Variants in NOXA1 observed in about 807,000 individuals in gnomAD.
The protein encoded by NOXA1 is NADPH oxidase activator 1, also known as NCF2-like protein.
In NOXA1, 56 loss-of-function variants were observed where a neutral mutation model predicts 64.8. The ratio of observed to expected loss-of-function variants is 0.86; its 90% CI spans 0.70 to 1.08. NOXA1 has a LOEUF of 1.08. NOXA1 is among the 50% of genes least tolerant of loss of function. NOXA1 has a pLI of 0.00. For synonymous variants in NOXA1, 295 were observed against 294.8 expected, an observed-to-expected ratio of 1.00 and a Z score of -0.01; for missense variants, 668 against 658.5, an observed-to-expected ratio of 1.01 and a Z score of -0.16.
At chr9:137,428,271 C>A in intron 3 of NOXA1, 130 bp downstream of exon 3, 1 of 661,558 alleles carries the variant, frequency 1.5e-6, no homozygotes, top group Non-Finnish European at 2.6e-6. Context: ...AATACCCTGG[C>A]CACTCCTTGA....
In NOXA1 at chr9:137,423,630, C is replaced by T. The variant is rs749850148; in HGVS notation, c.101C>T (p.Pro34Leu). The T allele has an allele frequency of 7.6e-6, 11 of 1,443,248 alleles. No individual in the cohort carries two copies. In the Admixed American group the frequency reaches 2.3e-4, roughly 31 times the overall value. The allele number at this position is 1,443,248 out of a possible 1,614,324, so 89.4% of individuals were successfully genotyped here. ...GCCTTGCACCTCTTCTCGGGCGTCC[C>T]GGCGCCGCCCGCCAGGCTGTGCTTC... ...ARALHLFSGV[P>L]APPARLCFNA... The change falls in exon 1 of 14, where the codon CCG becomes CTG. Residue 34 changes from proline (P) to leucine (L), a missense_variant. Transcript: ENST00000683555.
Position 137,433,765 on chromosome 9 carries a change from T to G in NOXA1, c.1080T>G (p.Gly360=). 2 of 1,457,492 alleles carry G rather than the reference T, an allele frequency of 1.4e-6. No homozygotes were observed. The highest frequency in any genetic ancestry group is 2.9e-5 in the South Asian group (2 of 69,976). The allele number at this position is 1,457,492 out of a possible 1,614,324, so 90.3% of individuals were successfully genotyped here. ...QLGQLSYLAP[G]EDGHWVPIPE... ...CTCTTTGCAGTTACCTAGCCCCAGG[T>G]GAGGACGGGCACTGGGTCCCCATCC... The change falls in exon 12 of 14, where the codon GGT becomes GGG. Residue 360 remains glycine, a synonymous_variant. Coordinates refer to ENST00000683555, the MANE Select transcript of NOXA1 (RefSeq NM_001256067.2).
In NOXA1 at chr9:137,431,163, A is replaced by T; in HGVS notation, c.698+63A>T. 6.2e-7 allele frequency: 1 copy of T among 1,610,966 alleles called. No homozygotes were observed. The highest frequency in any genetic ancestry group is 8.5e-7 in the Non-Finnish European group (1 of 1,178,598). On this transcript the variant is annotated intron_variant, in intron 7 of 13. Coordinates refer to ENST00000683555, the MANE Select transcript of NOXA1 (RefSeq NM_001256067.2). This position sits in a 1 kb window ranked among gnomAD's most constrained non-coding sequence, Gnocchi z 5.6. ...TTCCTGCTGGGCAGAGGCCCTCCAC[A>T]TGGGGCCACGCGGGCCGGGCACAGG...
intron 1 of NOXA1, among the ~76,000 whole-genome samples, chr9:137,424,196 G>C (rs769730956): frequency 2.1e-4 from 32 of 152,208 alleles, no homozygotes; most frequent in Non-Finnish European, 4.1e-4. Context: ...CCAAACGCCA[G>C]CGCTGCCCAC....
Position 137,428,918 on chromosome 9 carries a change from G to A in NOXA1, c.406G>A (p.Gly136Arg), listed in dbSNP as rs1471740756. Residue 136 changes from glycine to arginine, a missense_variant, in exon 4 of 14, where the codon GGG becomes AGG. Coordinates refer to ENST00000683555, the MANE Select transcript of NOXA1 (RefSeq NM_001256067.2). ...TGTGGCGTCGGCACAGTGCCAGCTG[G>A]GGCTCTGGACAGAGGCGGCCAGCAG... ...HNVASAQCQL[G>R]LWTEAASSLR... 6.3e-7 allele frequency: 1 copy of A among 1,594,594 alleles called. No homozygotes were observed.
Position 137,423,652 on chromosome 9 carries a change from C to T in NOXA1, c.123C>T (p.Cys41=), listed in dbSNP as rs199666822. 3,110 of 1,418,506 alleles carry T rather than the reference C, an allele frequency of 2.2e-3. 49 individuals are homozygous for T. The African/African-American group carries it at 0.04, about 18-fold the overall frequency. 87.9% of individuals were successfully genotyped at this position (1,418,506 alleles called of 1,614,324 possible). ...SGVPAPPARL[C]FNAGCVHLLA... is the part of the protein sequence containing the mutation. ...TCCCGGCGCCGCCCGCCAGGCTGTG[C>T]TTCAACGCGGGCTGCGTGCACCTGC... The change falls in exon 1 of 14, where the codon TGC becomes TGT. Residue 41 remains cysteine (C), a synonymous_variant. Transcript: ENST00000683555.
At chr9:137,430,229 C>G (rs1182978935) in intron 5 of NOXA1, among the ~76,000 whole-genome samples, 1 of 152,154 alleles carries the variant, frequency 6.6e-6, no homozygotes, top group Admixed American at 6.5e-5. Context: ...ACGTCACGCC[C>G]ACACTTGGGT....
chr9:137,428,851 G>T (rs779718880), intron 3 of NOXA1, 31 bp from the exon 4 acceptor site: 1 of 1,547,846 alleles, frequency 6.5e-7, no homozygotes, highest in Middle Eastern at 2.2e-4. Flanking sequence ...GGGGCATCAG[G>T]CCCCTGCCAT....
chr9:137,432,520 T>C (rs953294912), intron 8 of NOXA1, among the ~76,000 whole-genome samples: 1 of 151,706 alleles, frequency 6.6e-6, no homozygotes, highest in Non-Finnish European at 1.5e-5. Context: ...GCGGAGCTTA[T>C]AGTGAGCCAA....
At chr9:137,428,697 AGACGGGGGAGAAGCCAGGTGGGGG>A (rs1564237265) in intron 3 of NOXA1, among the ~76,000 whole-genome samples, 161 bp from the exon 4 acceptor site, 1 of 115,238 alleles carries the variant, frequency 8.7e-6, no homozygotes, top group Non-Finnish European at 1.8e-5. Context: ...CTGGGTGGGG[AGACGGGGGAGAAGCCAGGTGGGGG>A]GACTGGGGGA....
At position 137,426,311 on chromosome 9, in the gene NOXA1, G is replaced by A. The variant is rs770724744; in HGVS notation, c.241G>A (p.Ala81Thr). The A allele has an allele frequency of 6.2e-7, 1 of 1,613,696 alleles. No homozygotes were observed. Among genetic ancestry groups the A allele is most frequent in the East Asian group, 2.2e-5 (1 of 44,886 alleles). The part of the protein sequence containing the change: ...MAVGFFQRGV[A>T]NFQLARFQEA... The stretch of plus-strand genomic sequence containing the variant: ...GGTTGGCTTCTTCCAGCGAGGAGTG[G>A]CCAACTTCCAGCTGGCAAGGTGAGT... The change falls in exon 2 of 14, where the codon GCC (alanine) becomes ACC (threonine). Residue 81 changes from alanine (A) to threonine (T), a missense_variant. Ala to Thr is a moderately conservative substitution (Grantham distance 58, BLOSUM62 0). Transcript: ENST00000683555.
intron 1 of NOXA1, among the ~76,000 whole-genome samples, chr9:137,425,373 CAAA>C (rs962860376): frequency 5.9e-5 from 9 of 151,944 alleles, no homozygotes; most frequent in African/African-American, 1.7e-4. Context: ...CATGAACTAT[CAAA>C]AAAGGATTTT....
chr9:137,423,533 G>T lies in NOXA1; in HGVS notation c.4G>T (p.Ala2Ser), dbSNP rs775788522. Residue 2 changes from alanine to serine, a missense_variant, in exon 1 of 14, where the codon GCC becomes TCC. Coordinates refer to ENST00000683555, the MANE Select transcript of NOXA1 (RefSeq NM_001256067.2). ...TCGAGCGCCGCCACCGGCCGCCATG[G>T]CCTCTCTGGGGGACCTGGTGCGCGC... MASLGDLVRAWH... is the reference protein window; with the variant it reads MSSLGDLVRAWH... 14 of 1,401,666 alleles carry T rather than the reference G, an allele frequency of 1.0e-5. No individual in the cohort carries two copies. Among genetic ancestry groups the T allele is most frequent in the African/African-American group, 1.5e-5 (1 of 67,414 alleles). 86.8% of individuals were successfully genotyped at this position (1,401,666 alleles called of 1,614,324 possible). A position where few individuals can be genotyped will look rare whatever the true frequency, so the allele number is the denominator to read the frequency against.
chr9:137,429,189 C>T, intron 4 of NOXA1, 87 bp from the exon 5 acceptor site: 1 of 1,343,788 alleles, frequency 7.4e-7, no homozygotes, highest in Admixed American at 2.8e-5. Context: ...CCCAAGCGGC[C>T]CCTTCTGCTC....
At chr9:137,429,522 A>G (rs1838998141) in intron 5 of NOXA1, 139 bp downstream of exon 5, 2 of 624,944 alleles carry the variant, frequency 3.2e-6, no homozygotes, top group Non-Finnish European at 5.5e-6. Context: ...CCATCCTCAA[A>G]CTGGCGCCCA....
chr9:137,427,232 G>A (rs1018857711), intron 2 of NOXA1, among the ~76,000 whole-genome samples: 3 of 152,126 alleles, frequency 2.0e-5, no homozygotes, highest in African/African-American at 4.8e-5. Flanking sequence ...ACAGGCTCAC[G>A]GGTGTGAGAA....
chr9:137,432,939 G>C, intron 8 of NOXA1, 90 bp from the exon 9 acceptor site: 1 of 1,443,064 alleles, frequency 6.9e-7, no homozygotes, highest in African/African-American at 1.4e-5. Context: ...CGGGCACACA[G>C]GCCACACCCT....
At position 137,431,422 on chromosome 9, in the gene NOXA1, A is replaced by C; in HGVS notation, c.804+81A>C. 1 of 1,180,222 alleles carries C rather than the reference A, an allele frequency of 8.5e-7. No individual in the cohort carries two copies. Among genetic ancestry groups the C allele is most frequent in the Non-Finnish European group, 1.2e-6 (1 of 810,790 alleles). 73.1% of individuals were successfully genotyped at this position (1,180,222 alleles called of 1,614,324 possible). ...CAGACTGGGGACCACAATGGGACCA[A>C]CATGAGGGTGGAGGGAGCAGCTCGC... On this transcript the variant is annotated intron_variant, in intron 8 of 13. Transcript: ENST00000683555. This position sits in a 1 kb window ranked among gnomAD's most constrained non-coding sequence, Gnocchi z 5.6.
At chr9:137,432,575 C>A (rs1451322481) in intron 8 of NOXA1, among the ~76,000 whole-genome samples, 1 of 152,200 alleles carries the variant, frequency 6.6e-6, no homozygotes, top group African/African-American at 2.4e-5. Flanking sequence ...GCGAGACTCC[C>A]TCTCAAAAAA....
Sources: gnomAD v4.1 joint callset for allele counts (sites outside exome capture counted in the v4.1 genomes callset) on GRCh38, gnomAD v4.1.1 for gene constraint, Gnocchi (gnomAD v3.1) non-coding constraint, MANE v1.5 for transcripts, NCBI Gene and HGNC (gene_info 2026-07-23, HGNC 2026-07-21) for gene names.